The following CPT1A variants were observed in gnomAD, a reference collection of about 807,000 sequenced individuals.
CPT1A encodes the protein carnitine palmitoyltransferase 1A.
Under a neutral mutation model 100.8 loss-of-function variants are expected in CPT1A, and 64 were observed. The observed-to-expected ratio is 0.63, with a 90% confidence interval of 0.52 to 0.78. The LOEUF (loss-of-function observed/expected upper bound fraction) is 0.78, where lower values mean the gene tolerates loss of function less well. CPT1A is among the 30% of genes least tolerant of loss of function. The pLI, the probability that CPT1A is intolerant of heterozygous loss-of-function variation, is 0.00. For missense variants in CPT1A, 802 were observed against 1,034.1 expected, an observed-to-expected ratio of 0.78 and a Z score of 3.08; for synonymous variants, 363 against 396.0, an observed-to-expected ratio of 0.92 and a Z score of 0.99.
chr11:68,842,996 C>A (rs1857189955), upstream of CPT1A, among the ~76,000 whole-genome samples: 1 of 152,244 alleles, frequency 6.6e-6, no homozygotes, highest in Admixed American at 6.5e-5. Flanking sequence ...GAACCCTGCT[C>A]TTTTTAAGTT....
At position 68,759,837 on chromosome 11, in the gene CPT1A, G is replaced by T. The variant is rs1463243942; in HGVS notation, c.2143-176C>A. ...GAGCCCAGGGGTTCGAGACCAGCCC[G>T]GACAACATGGTGAAACCCTGTCTCT... On this transcript the variant is annotated intron_variant, in intron 17 of 18. Transcript: ENST00000265641. Among the ~76,000 whole-genome samples, 4 of 151,450 alleles carry T rather than the reference G, an allele frequency of 2.6e-5. No individual in the cohort carries two copies. In the South Asian group the frequency reaches 6.3e-4, roughly 24 times the overall value.
intron 17 of CPT1A, 104 bp downstream of exon 17, chr11:68,760,121 C>T (rs1174125327): frequency 7.6e-6 from 6 of 790,308 alleles, no homozygotes; most frequent in East Asian, 2.7e-5. Context: ...GCGGTAGAAC[C>T]GCAAGGTAAC....
chr11:68,820,996 T>C (rs568250369), intron 1 of CPT1A, among the ~76,000 whole-genome samples: 8 of 152,262 alleles, frequency 5.3e-5, no homozygotes, highest in African/African-American at 1.9e-4. Context: ...CACATCCTCC[T>C]GTATATATAT....
At chr11:68,768,321 C>T (rs1292755977) in intron 14 of CPT1A, among the ~76,000 whole-genome samples, 1 of 151,920 alleles carries the variant, frequency 6.6e-6, no homozygotes, top group Non-Finnish European at 1.5e-5. Flanking sequence ...ATGATCCGCC[C>T]ACCTCAGCCT....
At chr11:68,810,584 G>A (rs947737478) in intron 3 of CPT1A, among the ~76,000 whole-genome samples, 1 of 152,120 alleles carries the variant, frequency 6.6e-6, no homozygotes, top group African/African-American at 2.4e-5. Context: ...GATGTGGAGG[G>A]GTCCTCTGCA....
rs374412839 is a variant in CPT1A at position 68,826,670 on chromosome 11, G to A, written c.-13-11183C>T. ...GGAGAATGGCGTGAACCCGGGAGCC[G>A]GAGCTTGCAGTGAGCTGAGATCAGG... On this transcript the variant is annotated intron_variant, in intron 1 of 18. Transcript: ENST00000265641. 6.2e-4 allele frequency among the ~76,000 whole-genome samples: 93 copies of A among 151,066 alleles called. 1 individual carries two copies. Among genetic ancestry groups the A allele is most frequent in the African/African-American group, 2.2e-3 (89 of 41,304 alleles).
At chr11:68,794,556 G>A (rs576517093) in intron 8 of CPT1A, among the ~76,000 whole-genome samples, 47 of 152,220 alleles carry the variant, frequency 3.1e-4, no homozygotes, top group African/African-American at 6.5e-4. Context: ...GATTACAGGC[G>A]CGTGCCAGCA....
intron 18 of CPT1A, among the ~76,000 whole-genome samples, chr11:68,758,026 G>A (rs1000007250): frequency 6.6e-6 from 1 of 152,200 alleles, no homozygotes; most frequent in African/African-American, 2.4e-5. Flanking sequence ...GCTCATGCCT[G>A]TAATCCCAGC....
chr11:68,815,201 C>A (rs1258452228), intron 2 of CPT1A, 133 bp downstream of exon 2: 4 of 903,826 alleles, frequency 4.4e-6, no homozygotes, highest in East Asian at 2.5e-5. Flanking sequence ...TGTCCCCAAG[C>A]CTTAAGTACC....
In CPT1A at chr11:68,758,104, CAA is replaced by C. The variant is rs747054590; in HGVS notation, c.2236-376_2236-375del. Among the ~76,000 whole-genome samples the C allele has an allele frequency of 2.6e-5, 4 of 152,164 alleles. No homozygotes were observed. The South Asian group carries it at 6.2e-4, about 24-fold the overall frequency. On this transcript the variant is annotated intron_variant, in intron 18 of 18. Transcript: ENST00000265641. ...GAAACATGGTGAAACCACATTTCTA[CAA>C]AAAATACAAAAATCAGCCAGGTGTG...
intron 14 of CPT1A, among the ~76,000 whole-genome samples, chr11:68,767,211 A>G (rs1854833429): frequency 1.3e-5 from 2 of 152,280 alleles, no homozygotes. Context: ...TTGAAGGGCC[A>G]GGTTTGGCCT....
chr11:68,797,206 G>A (rs193235515), intron 6 of CPT1A, among the ~76,000 whole-genome samples: 2 of 152,304 alleles, frequency 1.3e-5, no homozygotes, highest in African/African-American at 2.4e-5. Context: ...ATAAAAAGCC[G>A]AAGTGGGAGG....
At chr11:68,785,251 A>G (rs1022664787) in intron 9 of CPT1A, among the ~76,000 whole-genome samples, 1 of 152,066 alleles carries the variant, frequency 6.6e-6, no homozygotes, top group Non-Finnish European at 1.5e-5. Flanking sequence ...TTATGACCTC[A>G]AACAAATTAC....
At chr11:68,773,739 AAAT>A in intron 13 of CPT1A, 1 of 370,780 alleles carries the variant, frequency 2.7e-6, no homozygotes, top group South Asian at 2.3e-5. Flanking sequence ...TGTCTCTCTA[AAAT>A]AATAATAGGT....
At chr11:68,768,303 C>A (rs1854880565) in intron 14 of CPT1A, among the ~76,000 whole-genome samples, 2 of 151,994 alleles carry the variant, frequency 1.3e-5, no homozygotes, top group Admixed American at 1.3e-4. Flanking sequence ...TCTCGATCTT[C>A]TGACCTCATG....
At chr11:68,774,233 CCA>C (rs1025039442) in intron 13 of CPT1A, among the ~76,000 whole-genome samples, 9 of 152,090 alleles carry the variant, frequency 5.9e-5, no homozygotes, top group Non-Finnish European at 8.8e-5. Flanking sequence ...GCCTTCTGCC[CCA>C]CAGTCAAATT....
At chr11:68,829,663 G>A (rs530427008) in intron 1 of CPT1A, among the ~76,000 whole-genome samples, 30 of 152,320 alleles carry the variant, frequency 2.0e-4, no homozygotes, top group African/African-American at 5.8e-4. Context: ...GCCCTCGGAC[G>A]GGAATCCCGA....
chr11:68,790,300 G>A (rs1246453522), intron 9 of CPT1A, among the ~76,000 whole-genome samples: 3 of 151,786 alleles, frequency 2.0e-5, no homozygotes, highest in African/African-American at 7.3e-5. Flanking sequence ...CAAACTCCTG[G>A]GCTCAGGTGA....
intron 1 of CPT1A, among the ~76,000 whole-genome samples, chr11:68,827,948 T>C (rs1276100078): frequency 2.0e-5 from 3 of 152,194 alleles, no homozygotes. Flanking sequence ...GTGTCCCTGC[T>C]GGGGCTCAGG....
Sources: gnomAD v4.1 joint callset for allele counts (sites outside exome capture counted in the v4.1 genomes callset) on GRCh38, gnomAD v4.1.1 for gene constraint, MANE v1.5 for transcripts, NCBI Gene and HGNC (gene_info 2026-07-23, HGNC 2026-07-21) for gene names.